CNOT4: variants seen among roughly 807,000 people sequenced by gnomAD.
CNOT4 encodes CCR4-associated factor 4.
CNOT4 carries 8 observed loss-of-function variants against 73.8 expected under a neutral mutation model. The observed-to-expected ratio is 0.11, with a 90% CI of 0.06 to 0.20. The LOEUF (loss-of-function observed/expected upper bound fraction) is 0.20. Among genes scored for constraint, CNOT4 ranks in the 10% least tolerant of loss-of-function variants. The pLI, the probability that CNOT4 is intolerant of heterozygous loss-of-function variation, is 1.00. For synonymous variants in CNOT4, 293 were observed against 321.1 expected (o/e 0.91, Z 0.94); for missense variants, 564 against 883.4 (o/e 0.64, Z 4.58).
chr7:135,371,195 T>C (rs1284184243), intron 10 of CNOT4, among the ~76,000 whole-genome samples: 1 of 152,198 alleles, frequency 6.6e-6, no homozygotes, highest in Non-Finnish European at 1.5e-5. Flanking sequence ...TCCCAGGTTA[T>C]GGAGTTAAAG....
At chr7:135,494,705 A>G (rs1450153314) in intron 1 of CNOT4, among the ~76,000 whole-genome samples, 9 of 152,206 alleles carry the variant, frequency 5.9e-5, no homozygotes, top group Middle Eastern at 3.4e-3. Flanking sequence ...ATGTCAGAAC[A>G]TAAGTGTTAT....
chr7:135,453,848 T>TATATATATATATATA (rs61345541), intron 1 of CNOT4, among the ~76,000 whole-genome samples: 3,282 of 116,178 alleles, frequency 0.028, 96 homozygotes, highest in Non-Finnish European at 0.04. Flanking sequence ...ATATATATAT[T>TATATATATATATATA]ATATATATAG....
At chr7:135,421,662 T>C (rs1798201911) in intron 3 of CNOT4, among the ~76,000 whole-genome samples, 2 of 152,206 alleles carry the variant, frequency 1.3e-5, no homozygotes, top group Non-Finnish European at 2.9e-5. Flanking sequence ...TCCTCCAAAC[T>C]GGCTTAAAAT....
At chr7:135,365,632 A>T (rs1374447683) in intron 10 of CNOT4, among the ~76,000 whole-genome samples, 1 of 152,196 alleles carries the variant, frequency 6.6e-6, no homozygotes, top group African/African-American at 2.4e-5. Context: ...TACTCTCTCG[A>T]TCTACTCTGT....
intron 1 of CNOT4, among the ~76,000 whole-genome samples, chr7:135,440,988 AATATG>A (rs1799446094): frequency 6.6e-6 from 1 of 152,228 alleles, no homozygotes; most frequent in Non-Finnish European, 1.5e-5. Flanking sequence ...TCATTAAGTA[AATATG>A]ATATAACATA....
At chr7:135,456,998 T>G (rs1800575856) in intron 1 of CNOT4, among the ~76,000 whole-genome samples, 1 of 152,068 alleles carries the variant, frequency 6.6e-6, no homozygotes, top group African/African-American at 2.4e-5. Context: ...CTATAACTAC[T>G]AATTCAGCAA....
intron 10 of CNOT4, among the ~76,000 whole-genome samples, chr7:135,384,008 T>A (rs1795980325): frequency 6.6e-6 from 1 of 152,196 alleles, no homozygotes; most frequent in Admixed American, 6.5e-5. Flanking sequence ...CAAAACCACA[T>A]ATATTTCAAC....
chr7:135,408,404 G>A (rs28399231), intron 7 of CNOT4, among the ~76,000 whole-genome samples: 11,253 of 152,120 alleles, frequency 0.074, 491 homozygotes, highest in Middle Eastern at 0.13. Context: ...TGTGTATAAT[G>A]GTTTATAGGC....
At chr7:135,428,982 T>C (rs1563044685) in intron 2 of CNOT4, among the ~76,000 whole-genome samples, 1 of 152,038 alleles carries the variant, frequency 6.6e-6, no homozygotes, top group African/African-American at 2.4e-5. Context: ...TACAAAGTTA[T>C]ACACACACAC....
intron 7 of CNOT4, among the ~76,000 whole-genome samples, chr7:135,400,877 A>G (rs1309765153): frequency 1.3e-5 from 2 of 152,202 alleles, no homozygotes; most frequent in Non-Finnish European, 2.9e-5. Context: ...TAACAAATTA[A>G]AGGAATAATA....
chr7:135,495,323 G>A (rs536939123), intron 1 of CNOT4, among the ~76,000 whole-genome samples: 8 of 152,064 alleles, frequency 5.3e-5, no homozygotes, highest in East Asian at 1.9e-4. Flanking sequence ...TAGCCAACAT[G>A]GTGAAACCCT....
In CNOT4 at chr7:135,472,337, C is replaced by T. The variant is rs1250533771; in HGVS notation, c.-92-33914G>A. On this transcript the variant is annotated intron_variant, in intron 1 of 11. Transcript: ENST00000541284. ...CTAAAAATACAAAAAATTAGCCAGGCGTGGTGGCGGGCACCTGTAGTCCCA... is the reference window on the plus strand; with the variant it reads ...CTAAAAATACAAAAAATTAGCCAGGTGTGGTGGCGGGCACCTGTAGTCCCA... Among the ~76,000 whole-genome samples, 14 of 145,908 alleles carry T rather than the reference C, an allele frequency of 9.6e-5. 3 individuals carry two copies. Among genetic ancestry groups the T allele is most frequent in the Admixed American group, 7.6e-4 (11 of 14,530 alleles).
At chr7:135,368,598 C>G (rs528269921) in intron 10 of CNOT4, among the ~76,000 whole-genome samples, 1 of 152,282 alleles carries the variant, frequency 6.6e-6, no homozygotes, top group African/African-American at 2.4e-5. Context: ...GGGACACGTA[C>G]GGGAACGTGT....
chr7:135,459,013 A>G (rs1328490352), intron 1 of CNOT4, among the ~76,000 whole-genome samples: 1 of 152,054 alleles, frequency 6.6e-6, no homozygotes, highest in Non-Finnish European at 1.5e-5. Context: ...AGGAATCACT[A>G]TCTACAGCAA....
intron 1 of CNOT4, among the ~76,000 whole-genome samples, chr7:135,474,344 G>C (rs1801852211): frequency 6.8e-6 from 1 of 146,890 alleles, no homozygotes. Flanking sequence ...GAGTGCAGAG[G>C]CGTGATCTCA....
intron 10 of CNOT4, among the ~76,000 whole-genome samples, chr7:135,371,592 A>G (rs189394199): frequency 1.3e-4 from 20 of 152,334 alleles, no homozygotes; most frequent in African/African-American, 4.8e-4. Flanking sequence ...GGCATAATGT[A>G]TATTATTCTC....
At chr7:135,458,013 C>G (rs1800652005) in intron 1 of CNOT4, among the ~76,000 whole-genome samples, 1 of 152,116 alleles carries the variant, frequency 6.6e-6, no homozygotes, top group Non-Finnish European at 1.5e-5. Context: ...TCTCCTGTTA[C>G]TGAACATTTG....
intron 1 of CNOT4, among the ~76,000 whole-genome samples, chr7:135,487,489 C>T (rs1413447474): frequency 6.6e-6 from 1 of 152,074 alleles, no homozygotes; most frequent in African/African-American, 2.4e-5. Context: ...ATCCTCCCAC[C>T]TTGGCCCCAA....
intron 1 of CNOT4, among the ~76,000 whole-genome samples, chr7:135,471,497 G>T (rs1045363487): frequency 2.0e-5 from 3 of 152,098 alleles, no homozygotes; most frequent in African/African-American, 2.4e-5. Context: ...ATGCATAAAA[G>T]AATCAAGTTA....
Sources: allele counts gnomAD v4.1 joint callset (sites outside exome capture counted in the v4.1 genomes callset), GRCh38; gene constraint gnomAD v4.1.1; transcripts MANE v1.5; gene names NCBI Gene and HGNC (gene_info 2026-07-23, HGNC 2026-07-21).